KDM2B: variants seen among roughly 807,000 people sequenced by gnomAD.
The protein encoded by KDM2B is lysine-specific demethylase 2B.
Under a neutral mutation model 150.0 loss-of-function variants are expected in KDM2B, and 26 were observed. That is an observed-to-expected ratio of 0.17 (90% CI 0.13 to 0.24). The LOEUF is 0.24. KDM2B is among the 10% of genes least tolerant of loss of function. KDM2B has a pLI of 1.00. For synonymous variants in KDM2B, 734 were observed against 729.5 expected, an observed-to-expected ratio of 1.01 and a Z score of -0.10; for missense variants, 1,265 against 1,816.9, an observed-to-expected ratio of 0.70 and a Z score of 5.52.
chr12:121,544,114 CAAAAAAA>C (rs57873693), intron 6 of KDM2B, among the ~76,000 whole-genome samples: 9 of 42,928 alleles, frequency 2.1e-4, no homozygotes, highest in Admixed American at 1.2e-3. Context: ...GACCCTGCCT[CAAAAAAA>C]AAAAAAAAAA....
chr12:121,409,055 C>G, the KDM2B span, among the ~76,000 whole-genome samples: 1 of 152,042 alleles, frequency 6.6e-6, no homozygotes, highest in Non-Finnish European at 1.5e-5. Context: ...TATCTGCTCA[C>G]TGCAACCTCC....
intron 13 of KDM2B, among the ~76,000 whole-genome samples, chr12:121,446,427 A>C (rs543590363): frequency 6.6e-6 from 1 of 152,372 alleles, no homozygotes; most frequent in African/African-American, 2.4e-5. Context: ...ATCTAAGAAT[A>C]TCTCTGATGA....
chr12:121,421,602 T>G, the KDM2B span, among the ~76,000 whole-genome samples: 4,284 of 152,198 alleles, frequency 0.028, 219 homozygotes, highest in African/African-American at 0.099. Flanking sequence ...ACAGAAATTC[T>G]TCCTCAGCTG....
At chr12:121,472,874 A>G (rs1362482363) in intron 12 of KDM2B, among the ~76,000 whole-genome samples, 1 of 152,336 alleles carries the variant, frequency 6.6e-6, no homozygotes, top group East Asian at 1.9e-4. Flanking sequence ...AGCTAAATAT[A>G]TGTAAAATGC....
rs537423633 is a variant in KDM2B at position 121,462,525 on chromosome 12, G to A, written c.1735-9181C>T. ...TTTTTTTTTTTTGAGACGGAGTCTC[G>A]TACTGTTGCCTGGGCTAGAGTGCAG... On this transcript the variant is annotated intron_variant, in intron 12 of 22. Coordinates refer to ENST00000377071, the MANE Select transcript of KDM2B (RefSeq NM_032590.5). Among the ~76,000 whole-genome samples the A allele has an allele frequency of 8.4e-4, 126 of 150,164 alleles. 2 individuals are homozygous for A. The highest frequency in any genetic ancestry group is 1.7e-3 in the Admixed American group (26 of 15,070).
At chr12:121,490,779 C>T (rs1272882818) in intron 12 of KDM2B, among the ~76,000 whole-genome samples, 2 of 152,176 alleles carry the variant, frequency 1.3e-5, no homozygotes, top group Non-Finnish European at 2.9e-5. Flanking sequence ...ATGAAGGACA[C>T]CGCATCAGAA....
At chr12:121,445,915 G>A (rs1876088082) in intron 13 of KDM2B, among the ~76,000 whole-genome samples, 1 of 152,184 alleles carries the variant, frequency 6.6e-6, no homozygotes, top group Admixed American at 6.5e-5. Flanking sequence ...ATGGACTGCG[G>A]GCTCCCAAGA....
In KDM2B at chr12:121,513,767, C is replaced by T. The variant is rs1171026188; in HGVS notation, c.1048-365G>A. ...GGGAGCCGCTGCCTGATTCTAGCTACAACAGACATAGGTTCCTCCTTGTTT... is the reference window on the plus strand; with the variant it reads ...GGGAGCCGCTGCCTGATTCTAGCTATAACAGACATAGGTTCCTCCTTGTTT... On this transcript the variant is annotated intron_variant, in intron 9 of 22. Coordinates refer to ENST00000377071, the MANE Select transcript of KDM2B (RefSeq NM_032590.5). The surrounding 1 kb of genome is among the most constrained non-coding windows in gnomAD (Gnocchi z 5.0). Among the ~76,000 whole-genome samples, 1 of 152,196 alleles carries T rather than the reference C, an allele frequency of 6.6e-6. No homozygotes were observed. The highest frequency in any genetic ancestry group is 2.4e-5 in the African/African-American group (1 of 41,444).
In KDM2B at chr12:121,442,914, C is replaced by G; in HGVS notation, c.2604+78G>C. 5.7e-6 allele frequency: 9 copies of G among 1,578,118 alleles called. No homozygotes were observed. Among genetic ancestry groups the G allele is most frequent in the Non-Finnish European group, 6.9e-6 (8 of 1,163,332 alleles). On this transcript the variant is annotated intron_variant, in intron 18 of 22. Transcript: ENST00000377071. This position sits in a 1 kb window ranked among gnomAD's most constrained non-coding sequence, Gnocchi z 7.7. ...CCCAAGGCCTCCCGCCCCCCTGCCA[C>G]GGGACTGTGGCCCAGGGAGCTGCGG...
At chr12:121,416,800 A>G in the KDM2B span, among the ~76,000 whole-genome samples, 1 of 152,254 alleles carries the variant, frequency 6.6e-6, no homozygotes, top group Non-Finnish European at 1.5e-5. Context: ...TCAACATCAA[A>G]TACTTAGCTA....
At position 121,542,649 on chromosome 12, in the gene KDM2B, T is replaced by G. The variant is rs569408938; in HGVS notation, c.683+6228A>C. ...TCCCAAATAACAGTCACTATCTATT[T>G]GGTTATAAGGAATTTTCTAAGACAA... On this transcript the variant is annotated intron_variant, in intron 6 of 22. Transcript: ENST00000377071. 3.6e-4 allele frequency among the ~76,000 whole-genome samples: 55 copies of G among 152,380 alleles called. No individual in the cohort carries two copies. The South Asian group carries it at 9.5e-3, about 26-fold the overall frequency.
At chr12:121,415,289 T>C in the KDM2B span, 1 of 382,578 alleles carries the variant, frequency 2.6e-6, no homozygotes, top group Non-Finnish European at 5.6e-6. Context: ...TATACCCAAT[T>C]ACAAATGCGA....
At chr12:121,515,509 C>A (rs1294087440) in intron 9 of KDM2B, among the ~76,000 whole-genome samples, 1 of 93,144 alleles carries the variant, frequency 1.1e-5, no homozygotes, top group African/African-American at 4.8e-5. Flanking sequence ...CCCCTAATCA[C>A]ACTCTCCCAC....
At chr12:121,421,400 C>CA in the KDM2B span, among the ~76,000 whole-genome samples, 6 of 92,654 alleles carry the variant, frequency 6.5e-5, no homozygotes, top group African/African-American at 2.0e-4. Flanking sequence ...AAAAAAAAAC[C>CA]AAAAAAACCT....
intron 4 of KDM2B, among the ~76,000 whole-genome samples, chr12:121,556,398 CCTCT>C (rs1424543205): frequency 6.6e-6 from 1 of 152,090 alleles, no homozygotes; most frequent in African/African-American, 2.4e-5. Flanking sequence ...GCACCTCCCT[CCTCT>C]CTCTCTTGCT....
chr12:121,574,493 T>C, intron 4 of KDM2B, 54 bp downstream of exon 4: 1 of 1,578,144 alleles, frequency 6.3e-7, no homozygotes. Flanking sequence ...TGACCGCCTC[T>C]TTCCCCTTCC....
intron 12 of KDM2B, among the ~76,000 whole-genome samples, chr12:121,466,623 G>GGC: frequency 6.6e-6 from 1 of 151,238 alleles, no homozygotes; most frequent in East Asian, 1.9e-4. Flanking sequence ...GCGGGCGGCG[G>GGC]GCGCGCGGCG....
At chr12:121,432,347 A>G (rs1190291968) in intron 22 of KDM2B, among the ~76,000 whole-genome samples, 1 of 152,112 alleles carries the variant, frequency 6.6e-6, no homozygotes, top group Non-Finnish European at 1.5e-5. Flanking sequence ...GATCCCCAAA[A>G]CTCAATACTT....
chr12:121,546,565 TTTTTTTTG>T (rs1353880378), intron 6 of KDM2B, among the ~76,000 whole-genome samples: 9 of 151,018 alleles, frequency 6.0e-5, no homozygotes, highest in African/African-American at 2.2e-4. Flanking sequence ...TTTTGGTTTT[TTTTTTTTG>T]TTTGTTTGTT....
Sources: allele counts gnomAD v4.1 joint callset (sites outside exome capture counted in the v4.1 genomes callset), GRCh38; gene constraint gnomAD v4.1.1; non-coding constraint Gnocchi (gnomAD v3.1); transcripts MANE v1.5; gene names NCBI Gene and HGNC (gene_info 2026-07-23, HGNC 2026-07-21).